GFPT2: variants seen among roughly 807,000 people sequenced by gnomAD.
GFPT2 encodes the protein glutamine--fructose-6-phosphate aminotransferase [isomerizing] 2.
In GFPT2, 62 loss-of-function variants were observed where a neutral mutation model predicts 85.6. The observed-to-expected ratio is 0.72, with a 90% confidence interval of 0.59 to 0.90. GFPT2 has a LOEUF of 0.90. Among genes scored for constraint, GFPT2 ranks in the 40% least tolerant of loss-of-function variants. GFPT2 has a pLI of 0.00. For missense variants in GFPT2, 788 were observed against 893.4 expected (o/e 0.88, Z 1.50); for synonymous variants, 368 against 344.5 (o/e 1.07, Z -0.75).
chr5:180,324,573 C>T (rs2127652343), intron 8 of GFPT2: 1 of 588,474 alleles, frequency 1.7e-6, no homozygotes, highest in East Asian at 2.8e-5. Context: ...TACAATGGCA[C>T]TTTTGTGTAT....
chr5:180,329,936 C>A (rs1764275008), intron 6 of GFPT2, among the ~76,000 whole-genome samples: 1 of 152,232 alleles, frequency 6.6e-6, no homozygotes, highest in Non-Finnish European at 1.5e-5. Flanking sequence ...TCTCCCTGGG[C>A]CCTGTCCTCT....
At chr5:180,303,340 T>A (rs960002712) in intron 17 of GFPT2, among the ~76,000 whole-genome samples, 1 of 152,012 alleles carries the variant, frequency 6.6e-6, no homozygotes, top group African/African-American at 2.4e-5. Context: ...ACAGGAGACA[T>A]CTGGACTGAA....
chr5:180,343,575 G>A lies in GFPT2; in HGVS notation c.8-4975C>T, dbSNP rs534329173. On this transcript the variant is annotated intron_variant, in intron 1 of 18. Coordinates refer to ENST00000253778, the MANE Select transcript of GFPT2 (RefSeq NM_005110.4). ...TTCGGTCACTTCTTTCATGAAGGAA[G>A]CTCTGTTTCTTTGCTTTTGCAGCTC... 1.4e-3 allele frequency among the ~76,000 whole-genome samples: 217 copies of A among 152,380 alleles called. 1 individual carries two copies. Among genetic ancestry groups the A allele is most frequent in the African/African-American group, 4.8e-3 (201 of 41,598 alleles).
chr5:180,301,684 A>C (rs2127644848), intron 18 of GFPT2, 76 bp from the exon 19 acceptor site: 2 of 1,231,752 alleles, frequency 1.6e-6, no homozygotes, highest in Middle Eastern at 1.9e-4. Context: ...CAATTTTCAG[A>C]GTACTTAAAA....
intron 1 of GFPT2, among the ~76,000 whole-genome samples, chr5:180,341,479 C>A (rs1025316294): frequency 6.6e-6 from 1 of 152,120 alleles, no homozygotes; most frequent in Non-Finnish European, 1.5e-5. Flanking sequence ...ATCATATAAA[C>A]TTAATTAATC....
chr5:180,317,735 G>A (rs1421095052), intron 10 of GFPT2, among the ~76,000 whole-genome samples: 3 of 105,006 alleles, frequency 2.9e-5, no homozygotes, highest in Admixed American at 9.3e-5. Flanking sequence ...CTCCAGCCTG[G>A]GCGACAGAGC....
At chr5:180,334,642 G>C (rs1764363818) in intron 4 of GFPT2, among the ~76,000 whole-genome samples, 1 of 152,196 alleles carries the variant, frequency 6.6e-6, no homozygotes, top group South Asian at 2.1e-4. Context: ...TCTTGGGTTG[G>C]GGGGTCCAGT....
In GFPT2 at chr5:180,302,469, G is replaced by A. The variant is rs753850398; in HGVS notation, c.1958C>T (p.Pro653Leu). Residue 653 changes from proline to leucine, a missense_variant, in exon 18 of 19, where the codon CCG becomes CTG. Pro to Leu is a moderately conservative substitution (Grantham distance 98). Transcript: ENST00000253778. Reference sequence around the variant, plus strand: ...CAGGTGGAAGGACAGCAGCTGCAGCGGAATCACGCTCAGGATGCCCTGGAG... The same window carrying A: ...CAGGTGGAAGGACAGCAGCTGCAGCAGAATCACGCTCAGGATGCCCTGGAG... ...DCLQGILSVI[P>L]LQLLSFHLAV... 5.6e-6 allele frequency: 9 copies of A among 1,614,096 alleles called. No individual in the cohort carries two copies. The highest frequency in any genetic ancestry group is 4.5e-5 in the East Asian group (2 of 44,878).
Position 180,304,920 on chromosome 5 carries a change from T to C in GFPT2, c.1694A>G (p.Tyr565Cys). ...AGCCAGGATGCCTTCTGAGTGCATG[T>C]AGGTTATCTCTTTAATTTTCTGGAA... ...EGALKIKEIT[Y>C]MHSEGILAGE... Residue 565 changes from tyrosine (Y) to cysteine (C), a missense_variant, in exon 17 of 19, where the codon TAC (tyrosine) becomes TGC (cysteine). Physicochemically the swap from Tyr to Cys is radical, Grantham distance 194. Transcript: ENST00000253778. 5 of 1,611,162 alleles carry C rather than the reference T, an allele frequency of 3.1e-6. No individual in the cohort carries two copies. Among genetic ancestry groups the C allele is most frequent in the Non-Finnish European group, 4.2e-6 (5 of 1,177,502 alleles).
In GFPT2 at chr5:180,312,475, G is replaced by T; in HGVS notation, c.1501C>A (p.Gln501Lys). ...LMMSEDRISL[Q>K]NRRQEIIRGL... ...CGGATGATCTCTTGCCTCCTGTTTT[G>T]TAGTGAAATTCGGTCTTCAGACATC... The change falls in exon 15 of 19, where the codon CAA becomes AAA. Residue 501 changes from glutamine (Q) to lysine (K), a missense_variant. Physicochemically the swap from Gln to Lys is moderately conservative, Grantham distance 53 (BLOSUM62 1). Coordinates refer to ENST00000253778, the MANE Select transcript of GFPT2 (RefSeq NM_005110.4). 3 of 1,610,474 alleles carry T rather than the reference G, an allele frequency of 1.9e-6. No homozygotes were observed. The highest frequency in any genetic ancestry group is 2.5e-6 in the Non-Finnish European group (3 of 1,176,660).
At chr5:180,335,707 G>T in intron 4 of GFPT2, 121 bp downstream of exon 4, 1 of 1,050,598 alleles carries the variant, frequency 9.5e-7, no homozygotes, top group Non-Finnish European at 1.4e-6. Context: ...ATTCTCTTGG[G>T]AAGATGAAGT....
chr5:180,303,923 C>G (rs1763728870), intron 17 of GFPT2, among the ~76,000 whole-genome samples: 1 of 152,164 alleles, frequency 6.6e-6, no homozygotes, highest in Non-Finnish European at 1.5e-5. Context: ...AAAGGCCAGC[C>G]ACATGATTAG....
rs372137289 is a variant in GFPT2 at position 180,338,503 on chromosome 5, G to A, written c.105C>T (p.Tyr35=). The change falls in exon 2 of 19, where the codon TAC becomes TAT. Residue 35 remains tyrosine (Y), a synonymous_variant. Coordinates refer to ENST00000253778, the MANE Select transcript of GFPT2 (RefSeq NM_005110.4). ...KGLQRLEYRG[Y]DSAGVAIDGN... is the part of the protein sequence containing the mutation. The stretch of plus-strand genomic sequence containing the variant: ...CGGCCGCACACCCACCTGCCGAGTC[G>A]TAGCCTCTGTACTCCAGCCGCTGCA... 31 of 1,598,206 alleles carry A rather than the reference G, an allele frequency of 1.9e-5. No homozygotes were observed. In the African/African-American group the frequency reaches 2.1e-4, roughly 11 times the overall value.
Position 180,353,235 on chromosome 5 carries a change from C to T in GFPT2, c.-18G>A. The T allele has an allele frequency of 1.6e-6, 2 of 1,241,854 alleles. No individual in the cohort carries two copies. The highest frequency in any genetic ancestry group is 2.0e-6 in the Non-Finnish European group (2 of 988,812). The allele number at this position is 1,241,854 out of a possible 1,614,324, so 76.9% of individuals were successfully genotyped here. A position where few individuals can be genotyped will look rare whatever the true frequency, so the allele number is the denominator to read the frequency against. On this transcript the variant is annotated 5_prime_UTR_variant, in exon 1 of 19. Coordinates refer to ENST00000253778, the MANE Select transcript of GFPT2 (RefSeq NM_005110.4). Reference sequence around the variant, plus strand: ...CCGCACATCGTGGCTGCTTCTCGGGCTCCTTCGCGGCTCGAGGGGGTCTGC... The same window carrying T: ...CCGCACATCGTGGCTGCTTCTCGGGTTCCTTCGCGGCTCGAGGGGGTCTGC...
rs1764063560 is a variant in GFPT2 at position 180,318,829 on chromosome 5, G to T, written c.922C>A (p.Gln308Lys). The T allele has an allele frequency of 1.2e-6, 2 of 1,613,948 alleles. No individual in the cohort carries two copies. The highest frequency in any genetic ancestry group is 1.7e-6 in the Non-Finnish European group (2 of 1,180,008). Residue 308 changes from glutamine (Q) to lysine (K), a missense_variant, in exon 10 of 19, where the codon CAG becomes AAG. Gln to Lys is a moderately conservative substitution (Grantham distance 53). Coordinates refer to ENST00000253778, the MANE Select transcript of GFPT2 (RefSeq NM_005110.4). The surrounding 1 kb of genome is among the most constrained non-coding windows in gnomAD (Gnocchi z 4.2). ...SASDDPSRAI[Q>K]TLQMELQQIM... is the part of the protein sequence containing the mutation. ...TGCTGCAGTTCCATCTGCAAGGTCTGGATGGCTCGAGATGGGTCATCACTG... is the reference window on the plus strand; with the variant it reads ...TGCTGCAGTTCCATCTGCAAGGTCTTGATGGCTCGAGATGGGTCATCACTG...
chr5:180,309,111 A>T (rs1361763967), intron 15 of GFPT2, among the ~76,000 whole-genome samples: 2 of 151,886 alleles, frequency 1.3e-5, no homozygotes, highest in Non-Finnish European at 2.9e-5. Flanking sequence ...TGACCTCATG[A>T]TCCACCCACC....
At position 180,338,533 on chromosome 5, in the gene GFPT2, C is replaced by A; in HGVS notation, c.75G>T (p.Lys25Asn). 1 of 1,612,710 alleles carries A rather than the reference C, an allele frequency of 6.2e-7. No individual in the cohort carries two copies. Among genetic ancestry groups the A allele is most frequent in the Non-Finnish European group, 8.5e-7 (1 of 1,178,716 alleles). The stretch of plus-strand genomic sequence containing the variant: ...CTCTGTACTCCAGCCGCTGCAGGCC[C>A]TTGATGAGGGTTTCGAAGATCTCCT... The part of the protein sequence containing the change: ...TRKEIFETLI[K>N]GLQRLEYRGY... Residue 25 changes from lysine to asparagine, a missense_variant, in exon 2 of 19, where the codon AAG becomes AAT. Coordinates refer to ENST00000253778, the MANE Select transcript of GFPT2 (RefSeq NM_005110.4).
chr5:180,316,616 A>G, intron 12 of GFPT2, 148 bp downstream of exon 12: 1 of 920,638 alleles, frequency 1.1e-6, no homozygotes, highest in Non-Finnish European at 1.7e-6. Flanking sequence ...CGAAGATAAA[A>G]GGGCTCCGTG....
chr5:180,313,911 G>C lies in GFPT2; in HGVS notation c.1327C>G (p.Leu443Val). 1 of 1,606,148 alleles carries C rather than the reference G, an allele frequency of 6.2e-7. No homozygotes were observed. The highest frequency in any genetic ancestry group is 8.5e-7 in the Non-Finnish European group (1 of 1,179,452). ...ACGGTGTTGGTGACGCCCACGGTGA[G>C]AGCGCCGCGGTCCTTACAGTAGCGC... is the stretch of plus-strand genomic sequence containing the variant. ...ALRYCKDRGA[L>V]TVGVTNTVGS... is the part of the protein sequence containing the mutation. Residue 443 changes from leucine (L) to valine (V), a missense_variant, in exon 14 of 19, where the codon CTC (leucine) becomes GTC (valine). By Grantham distance (32) the Leu-to-Val change is conservative. Coordinates refer to ENST00000253778, the MANE Select transcript of GFPT2 (RefSeq NM_005110.4).
Sources: gnomAD v4.1 joint callset for allele counts (sites outside exome capture counted in the v4.1 genomes callset) on GRCh38, gnomAD v4.1.1 for gene constraint, Gnocchi (gnomAD v3.1) non-coding constraint, MANE v1.5 for transcripts, NCBI Gene and HGNC (gene_info 2026-07-23, HGNC 2026-07-21) for gene names.